The following TRAM1 variants were observed in gnomAD, a reference collection of about 807,000 sequenced individuals.
The protein encoded by TRAM1 is translocating chain-associated membrane protein 1.
TRAM1 carries 17 observed loss-of-function variants against 48.7 expected under a neutral mutation model. That is an observed-to-expected ratio of 0.35 (90% CI 0.24 to 0.52). TRAM1 has a LOEUF of 0.52. TRAM1 is among the 20% of genes least tolerant of loss of function. The pLI is 0.94. For synonymous variants in TRAM1, 182 were observed against 154.0 expected (o/e 1.18, Z -1.34); for missense variants, 351 against 441.5 (o/e 0.79, Z 1.84).
chr8:70,583,873 C>A (rs1442724313), intron 8 of TRAM1, 80 bp from the exon 9 acceptor site: 1 of 1,466,284 alleles, frequency 6.8e-7, no homozygotes, highest in Admixed American at 2.6e-5. Flanking sequence ...CTAAGTTGGG[C>A]GTGGTGGCAG....
intron 10 of TRAM1, among the ~76,000 whole-genome samples, 170 bp from the exon 11 acceptor site, chr8:70,575,175 A>G (rs924578118): frequency 2.6e-5 from 4 of 152,224 alleles, no homozygotes; most frequent in African/African-American, 7.2e-5. Context: ...TTTTAACACA[A>G]TGAACTGAAA....
Position 70,574,696 on chromosome 8 carries a change from G to A in TRAM1, c.*236C>T, listed in dbSNP as rs1370233292. On this transcript the variant is annotated 3_prime_UTR_variant, in exon 11 of 11. Transcript: ENST00000262213. ...AAAAATAAAAACAAAATAAAATATGGTGGTGGTCCCTAAACTATTTTGAAG... is the reference window on the plus strand; with the variant it reads ...AAAAATAAAAACAAAATAAAATATGATGGTGGTCCCTAAACTATTTTGAAG... The A allele has an allele frequency of 2.8e-6, 1 of 360,404 alleles. No individual in the cohort carries two copies. Among genetic ancestry groups the A allele is most frequent in the Non-Finnish European group, 4.9e-6 (1 of 203,140 alleles). The allele number at this position is 360,404 out of a possible 1,614,324, so 22.3% of individuals were successfully genotyped here.
At chr8:70,575,641 C>G (rs1207142983) in intron 10 of TRAM1, among the ~76,000 whole-genome samples, 1 of 152,128 alleles carries the variant, frequency 6.6e-6, no homozygotes, top group Non-Finnish European at 1.5e-5. Flanking sequence ...GTGACTGACT[C>G]TCTCTCCAAA....
intron 1 of TRAM1, chr8:70,607,123 A>G: frequency 1.0e-6 from 1 of 983,404 alleles, no homozygotes; most frequent in Non-Finnish European, 1.2e-6. Flanking sequence ...TTAAAAAGGG[A>G]AAAAAGCAAA....
chr8:70,608,040 T>G, intron 1 of TRAM1, 37 bp downstream of exon 1: 1 of 1,551,690 alleles, frequency 6.4e-7, no homozygotes, highest in Non-Finnish European at 8.7e-7. Flanking sequence ...GGGCTGGAGG[T>G]GGCGGGGCAG....
chr8:70,583,502 T>C (rs1056578756), intron 9 of TRAM1, 148 bp downstream of exon 9: 4 of 1,304,214 alleles, frequency 3.1e-6, no homozygotes, highest in African/African-American at 1.5e-5. Flanking sequence ...ACTTTAGACA[T>C]GTAAAATAGC....
At chr8:70,598,676 G>A (rs913619680) in intron 2 of TRAM1, among the ~76,000 whole-genome samples, 5 of 152,078 alleles carry the variant, frequency 3.3e-5, no homozygotes, top group East Asian at 1.9e-4. Context: ...TGATGAAAAA[G>A]CTGATTTGAC....
chr8:70,574,557 T>C lies in TRAM1; in HGVS notation c.*375A>G, dbSNP rs116057921. 3.1e-3 allele frequency: 653 copies of C among 210,908 alleles called. 6 individuals carry two copies. Among genetic ancestry groups the C allele is most frequent in the African/African-American group, 0.015 (610 of 42,028 alleles). 13.1% of individuals were successfully genotyped at this position (210,908 alleles called of 1,614,324 possible). ...AAAGATAACTTAAAAAATATGGCCT[T>C]CTTAGAACAGGCCACTCTGCTATTA... is the stretch of plus-strand genomic sequence containing the variant. On this transcript the variant is annotated 3_prime_UTR_variant, in exon 11 of 11. Coordinates refer to ENST00000262213, the MANE Select transcript of TRAM1 (RefSeq NM_014294.6).
At chr8:70,585,198 G>A (rs1817183599) in intron 8 of TRAM1, among the ~76,000 whole-genome samples, 1 of 152,156 alleles carries the variant, frequency 6.6e-6, no homozygotes, top group Non-Finnish European at 1.5e-5. Context: ...TTTAATAAAT[G>A]GTGCTGGGAA....
rs1046416998 is a variant in TRAM1, at chr8:70,607,791, C to G, written c.123+286G>C. The G allele has an allele frequency of 3.7e-5, 9 of 242,462 alleles. No homozygotes were observed. The East Asian group carries it at 6.9e-4, about 19-fold the overall frequency. 15.0% of individuals were successfully genotyped at this position (242,462 alleles called of 1,614,324 possible). ...ACCAGGAACTGCGCCGCGCAGCCTG[C>G]GGGAGGGGGCGGCGGCGGGTCAGGA... On this transcript the variant is annotated intron_variant, in intron 1 of 10. Coordinates refer to ENST00000262213, the MANE Select transcript of TRAM1 (RefSeq NM_014294.6).
At chr8:70,607,027 T>C in intron 1 of TRAM1, 1 of 897,570 alleles carries the variant, frequency 1.1e-6, no homozygotes, top group Non-Finnish European at 1.3e-6. Context: ...TACTCTCACT[T>C]GTTACATGCA....
rs1252988258 is a variant in TRAM1, at chr8:70,573,636, G to C, written c.*1296C>G. ...TAGCAGCATGGCAACTTAAACTGCA[G>C]ATCTAATAGGTCTGCAACTTTTACA... On this transcript the variant is annotated 3_prime_UTR_variant, in exon 11 of 11. Transcript: ENST00000262213. 6.6e-6 allele frequency: 1 copy of C among 152,568 alleles called. No homozygotes were observed. The highest frequency in any genetic ancestry group is 6.6e-5 in the Admixed American group (1 of 15,264). 9.5% of individuals were successfully genotyped at this position (152,568 alleles called of 1,614,324 possible).
chr8:70,578,877 G>A (rs532864365), intron 10 of TRAM1, among the ~76,000 whole-genome samples: 1 of 152,334 alleles, frequency 6.6e-6, no homozygotes, highest in East Asian at 1.9e-4. Flanking sequence ...CAGCGAAAGT[G>A]ATGTACAATG....
At chr8:70,583,989 G>A (rs868556292) in intron 8 of TRAM1, among the ~76,000 whole-genome samples, 196 bp from the exon 9 acceptor site, 2 of 151,958 alleles carry the variant, frequency 1.3e-5, no homozygotes, top group Middle Eastern at 6.8e-3. Context: ...CTCCAGCCTG[G>A]GCAACAAGAG....
At chr8:70,594,612 A>C in intron 5 of TRAM1, 22 bp from the exon 6 acceptor site, 1 of 1,550,160 alleles carries the variant, frequency 6.5e-7, no homozygotes. Flanking sequence ...AAGAAAATGA[A>C]GAGTACCTTT....
intron 4 of TRAM1, among the ~76,000 whole-genome samples, chr8:70,596,771 T>C (rs1426530787): frequency 2.0e-5 from 3 of 150,196 alleles, no homozygotes; most frequent in Non-Finnish European, 3.0e-5. Flanking sequence ...ACTGCCCCAA[T>C]TTTTTTCTTA....
At chr8:70,596,121 G>A (rs180968732) in intron 5 of TRAM1, 142 bp downstream of exon 5, 14 of 524,570 alleles carry the variant, frequency 2.7e-5, no homozygotes, top group Admixed American at 2.0e-4. Flanking sequence ...TTTTTCTTAC[G>A]GCAGTGGGAC....
rs1165540806 is a variant in TRAM1, at chr8:70,607,977, G to GC, written c.123+99dup. ...GGGTCTGCACCCACCCCGGGCCCGAGCCCCCCGCGTCCTGGGCGGAGAAGC... is the reference window on the plus strand; with the variant it reads ...GGGTCTGCACCCACCCCGGGCCCGAGCCCCCCCGCGTCCTGGGCGGAGAAGC... On this transcript the variant is annotated intron_variant, in intron 1 of 10. Transcript: ENST00000262213. 37 of 1,400,672 alleles carry GC rather than the reference G, an allele frequency of 2.6e-5. No individual in the cohort carries two copies. The East Asian group carries it at 4.6e-4, about 17-fold the overall frequency. The allele number at this position is 1,400,672 out of a possible 1,614,324, so 86.8% of individuals were successfully genotyped here.
chr8:70,582,369 A>C (rs1484655426), intron 10 of TRAM1, among the ~76,000 whole-genome samples: 1 of 151,434 alleles, frequency 6.6e-6, no homozygotes, highest in Non-Finnish European at 1.5e-5. Flanking sequence ...ATCATTGTGC[A>C]CTGTAACCTT....
Sources: gnomAD v4.1 joint callset for allele counts (sites outside exome capture counted in the v4.1 genomes callset) on GRCh38, gnomAD v4.1.1 for gene constraint, MANE v1.5 for transcripts, NCBI Gene and HGNC (gene_info 2026-07-23, HGNC 2026-07-21) for gene names.